The following CFAP54 variants were observed in gnomAD, a reference collection of about 807,000 sequenced individuals.
CFAP54 encodes the protein cilia and flagella associated protein 54.
A neutral mutation model predicts 370.4 loss-of-function variants in CFAP54; 290 were observed. That is an observed-to-expected ratio of 0.78 (90% confidence interval 0.71 to 0.86). CFAP54 has a LOEUF of 0.86. CFAP54 is among the 40% of genes least tolerant of loss of function. The probability of loss-of-function intolerance (pLI) is 0.00; values close to 1 mark genes in which losing one functional copy is unlikely to be tolerated. For synonymous variants in CFAP54, 1,206 were observed against 1,236.5 expected (o/e 0.98, Z 0.52); for missense variants, 3,399 against 3,528.7 (o/e 0.96, Z 0.93).
chr12:96,810,688 A>G (rs1958921136), intron 63 of CFAP54, among the ~76,000 whole-genome samples: 3 of 152,172 alleles, frequency 2.0e-5, no homozygotes, highest in Admixed American at 1.3e-4. Flanking sequence ...GTGGGAAGTT[A>G]TGGGAAGAAG....
intron 20 of CFAP54, among the ~76,000 whole-genome samples, chr12:96,578,018 C>G (rs558205561): frequency 3.5e-4 from 54 of 152,198 alleles, no homozygotes; most frequent in African/African-American, 1.1e-3. Flanking sequence ...GCCGAGATCA[C>G]GCCATGACAT....
chr12:96,856,972 G>C (rs1188478380), intron 66 of CFAP54, among the ~76,000 whole-genome samples: 1 of 152,104 alleles, frequency 6.6e-6, no homozygotes, highest in Non-Finnish European at 1.5e-5. Flanking sequence ...GCAGGACTGG[G>C]GAGGCCTCAG....
chr12:96,675,710 T>C (rs1426913629), intron 39 of CFAP54, among the ~76,000 whole-genome samples: 3 of 152,062 alleles, frequency 2.0e-5, no homozygotes, highest in African/African-American at 7.2e-5. Context: ...AATGATAGAC[T>C]GGATTAAGAA....
chr12:96,737,487 A>G (rs570976516), intron 50 of CFAP54, among the ~76,000 whole-genome samples: 2 of 140,222 alleles, frequency 1.4e-5, no homozygotes, highest in East Asian at 4.6e-4. Context: ...TTATATATAT[A>G]TATGTTTTGT....
intron 34 of CFAP54, among the ~76,000 whole-genome samples, chr12:96,649,484 A>G (rs11108615): frequency 0.43 from 65,012 of 151,970 alleles, 14,293 homozygotes; most frequent in Admixed American, 0.51. Context: ...TGCGTGGCCG[A>G]GGTTGCTGCA....
At chr12:96,633,798 C>A (rs1458750409) in intron 32 of CFAP54, among the ~76,000 whole-genome samples, 1 of 152,074 alleles carries the variant, frequency 6.6e-6, no homozygotes, top group Non-Finnish European at 1.5e-5. Context: ...GTGATAAATA[C>A]CCAAGAGTGC....
At chr12:96,637,879 G>GA (rs2136483564) in intron 32 of CFAP54, among the ~76,000 whole-genome samples, 1 of 152,222 alleles carries the variant, frequency 6.6e-6, no homozygotes, top group East Asian at 1.9e-4. Flanking sequence ...TCCATGTTTA[G>GA]ATGTACAAAT....
At chr12:96,793,237 A>AT (rs1278418253) in intron 63 of CFAP54, among the ~76,000 whole-genome samples, 1 of 151,912 alleles carries the variant, frequency 6.6e-6, no homozygotes, top group Non-Finnish European at 1.5e-5. Context: ...ATTCTTATAC[A>AT]TTTGCATCCT....
chr12:96,792,335 C>T lies in CFAP54; in HGVS notation c.8686C>T (p.Arg2896Cys), dbSNP rs775459138. 19 of 1,505,770 alleles carry T rather than the reference C, an allele frequency of 1.3e-5. No individual in the cohort carries two copies. Among genetic ancestry groups the T allele is most frequent in the Non-Finnish European group, 1.6e-5 (18 of 1,132,788 alleles). 93.3% of individuals were successfully genotyped at this position (1,505,770 alleles called of 1,614,324 possible). Residue 2896 changes from arginine to cysteine, a missense_variant, in exon 63 of 68, where the codon CGC becomes TGC. Transcript: ENST00000524981. ...GTTTTTGTTTGTTCCCTAGTTGTATCGCGATAGTTCTGTACAATCCATTTT... is the reference window on the plus strand; with the variant it reads ...GTTTTTGTTTGTTCCCTAGTTGTATTGCGATAGTTCTGTACAATCCATTTT... ...DLRESSAKLY[R>C]DSSVQSILSF...
intron 36 of CFAP54, among the ~76,000 whole-genome samples, chr12:96,654,500 CAA>C (rs549250505): frequency 1.5e-5 from 2 of 135,312 alleles, no homozygotes; most frequent in Non-Finnish European, 3.1e-5. Flanking sequence ...GACTCCGTCT[CAA>C]AAAAAAAAAA....
chr12:96,870,686 T>A (rs1000935859), intron 67 of CFAP54, among the ~76,000 whole-genome samples: 1 of 152,188 alleles, frequency 6.6e-6, no homozygotes, highest in Admixed American at 6.5e-5. Context: ...TTTGGTTTGG[T>A]TTGGTTTTTT....
At chr12:96,723,028 A>G (rs1228081111) in intron 50 of CFAP54, among the ~76,000 whole-genome samples, 1 of 152,166 alleles carries the variant, frequency 6.6e-6, no homozygotes, top group Non-Finnish European at 1.5e-5. Flanking sequence ...TAGAATATAG[A>G]CAGTGTTATT....
chr12:96,625,007 A>C (rs1346696780), intron 28 of CFAP54, among the ~76,000 whole-genome samples: 2 of 152,190 alleles, frequency 1.3e-5, no homozygotes, highest in Non-Finnish European at 2.9e-5. Flanking sequence ...ACCAAGAAGC[A>C]CAATGAGCTA....
At chr12:96,803,253 A>G (rs932192211) in intron 63 of CFAP54, among the ~76,000 whole-genome samples, 7 of 152,318 alleles carry the variant, frequency 4.6e-5, no homozygotes, top group Admixed American at 1.3e-4. Context: ...GAATTGCCAC[A>G]CTGTCTTCCA....
intron 56 of CFAP54, among the ~76,000 whole-genome samples, chr12:96,755,746 C>G (rs902955103): frequency 6.7e-6 from 1 of 148,534 alleles, no homozygotes; most frequent in African/African-American, 2.5e-5. Context: ...CGGCTCACTG[C>G]AACCTCCACC....
At chr12:96,546,765 G>T (rs1955645103) in intron 14 of CFAP54, among the ~76,000 whole-genome samples, 1 of 148,526 alleles carries the variant, frequency 6.7e-6, no homozygotes, top group Non-Finnish European at 1.5e-5. Context: ...GGAGGCAGAG[G>T]TTACAGTGAG....
intron 8 of CFAP54, among the ~76,000 whole-genome samples, chr12:96,526,987 C>T (rs1955389753): frequency 6.7e-6 from 1 of 149,634 alleles, no homozygotes. Context: ...CTCTACCTCC[C>T]TGGGCTCAGG....
At chr12:96,750,440 G>A (rs1958169850) in intron 55 of CFAP54, among the ~76,000 whole-genome samples, 1 of 152,154 alleles carries the variant, frequency 6.6e-6, no homozygotes, top group African/African-American at 2.4e-5. Flanking sequence ...ATTGATCATT[G>A]TTATATGTTG....
chr12:96,554,310 G>A lies in CFAP54; in HGVS notation c.2283G>A (p.Lys761=). Residue 761 remains lysine (K), a splice_region_variant and synonymous_variant, in exon 16 of 68, where the codon AAG becomes AAA. Transcript: ENST00000524981. ...CAGTAATTGACCACTGCTATGCCAA[G>A]GTAAGAATGGAAGAGTCTTAAATTA... ...GSSVIDHCYA[K]RTHHIDGDTY... 1 of 1,508,196 alleles carries A rather than the reference G, an allele frequency of 6.6e-7. No individual in the cohort carries two copies. Among genetic ancestry groups the A allele is most frequent in the Non-Finnish European group, 8.8e-7 (1 of 1,137,438 alleles). 93.4% of individuals were successfully genotyped at this position (1,508,196 alleles called of 1,614,324 possible).
Sources: allele counts gnomAD v4.1 joint callset (sites outside exome capture counted in the v4.1 genomes callset), GRCh38; gene constraint gnomAD v4.1.1; transcripts MANE v1.5; gene names NCBI Gene and HGNC (gene_info 2026-07-23, HGNC 2026-07-21).